The following KCNIP1 variants were observed in gnomAD, a reference collection of about 807,000 sequenced individuals.
The protein encoded by KCNIP1 is potassium voltage-gated channel interacting protein 1.
A neutral mutation model predicts 33.0 loss-of-function variants in KCNIP1; 18 were observed. The ratio of observed to expected loss-of-function variants is 0.55; its 90% CI spans 0.38 to 0.81. The LOEUF (loss-of-function observed/expected upper bound fraction) is 0.81. Ranked by LOEUF, KCNIP1 falls within the 30% of genes least tolerant of loss-of-function variation. The probability of loss-of-function intolerance (pLI) is 0.00; values close to 1 mark genes in which losing one functional copy is unlikely to be tolerated. For missense variants in KCNIP1, 238 were observed against 271.6 expected, an observed-to-expected ratio of 0.88 and a Z score of 0.87; for synonymous variants, 93 against 98.3, an observed-to-expected ratio of 0.95 and a Z score of 0.32.
rs577860113 is a variant in KCNIP1 at position 170,592,777 on chromosome 5, G to A, written c.61+88144G>A. 5.9e-5 allele frequency among the ~76,000 whole-genome samples: 9 copies of A among 152,288 alleles called. No homozygotes were observed. In the South Asian group the frequency reaches 1.9e-3, roughly 32 times the overall value. On this transcript the variant is annotated intron_variant, in intron 1 of 7. Coordinates refer to ENST00000328939, the MANE Select transcript of KCNIP1 (RefSeq NM_014592.4). ...AGAGAAAATAAATTCTCAGTGGATT[G>A]TTTAGAAGATTTGAGCAAAGACCTC...
At chr5:170,563,634 T>G (rs1014222266) in intron 1 of KCNIP1, among the ~76,000 whole-genome samples, 3 of 79,306 alleles carry the variant, frequency 3.8e-5, no homozygotes, top group Admixed American at 1.1e-4. Flanking sequence ...GGTGTTTTGT[T>G]TTTTTTTTTG....
intron 1 of KCNIP1, among the ~76,000 whole-genome samples, chr5:170,704,451 C>A (rs1437196694): frequency 1.3e-5 from 2 of 148,870 alleles, no homozygotes; most frequent in African/African-American, 5.1e-5. Flanking sequence ...TTATGCATAC[C>A]TCACAGGGGT....
chr5:170,492,564 G>A (rs1468363783), intron 1 of KCNIP1, among the ~76,000 whole-genome samples: 1 of 152,126 alleles, frequency 6.6e-6, no homozygotes, highest in Non-Finnish European at 1.5e-5. Flanking sequence ...GTTGGGGATG[G>A]GGCTGAAAGT....
chr5:170,623,200 C>T (rs28655186), intron 1 of KCNIP1, among the ~76,000 whole-genome samples: 1 of 147,910 alleles, frequency 6.8e-6, no homozygotes, highest in South Asian at 2.2e-4. Context: ...AGGGGATTGG[C>T]GACCCCTGTC....
chr5:170,450,118 C>A (rs550931469), intron 1 of KCNIP1, among the ~76,000 whole-genome samples: 16 of 148,538 alleles, frequency 1.1e-4, no homozygotes, highest in African/African-American at 1.5e-4. Context: ...CCCGACCCCC[C>A]ACCCCACCCT....
At chr5:170,708,922 A>C (rs1763353448) in intron 1 of KCNIP1, among the ~76,000 whole-genome samples, 1 of 152,160 alleles carries the variant, frequency 6.6e-6, no homozygotes, top group Non-Finnish European at 1.5e-5. Flanking sequence ...AAGAAATTGA[A>C]CTATATTGCT....
intron 1 of KCNIP1, among the ~76,000 whole-genome samples, chr5:170,533,661 G>T (rs1755863597): frequency 6.6e-6 from 1 of 152,174 alleles, no homozygotes. Context: ...CTTCAAAAGG[G>T]ATCTAATAAA....
intron 1 of KCNIP1, chr5:170,681,334 C>G: frequency 2.6e-6 from 1 of 384,682 alleles, no homozygotes; most frequent in Non-Finnish European, 4.6e-6. Context: ...CCCCGCCTCC[C>G]CAGTCGCGCC....
chr5:170,589,317 T>A (rs1244429529), intron 1 of KCNIP1, among the ~76,000 whole-genome samples: 2 of 152,188 alleles, frequency 1.3e-5, no homozygotes, highest in East Asian at 3.9e-4. Flanking sequence ...CATACTTTCA[T>A]GTTAGCATTA....
At position 170,690,161 on chromosome 5, in the gene KCNIP1, C is replaced by T. The variant is rs117045190; in HGVS notation, c.62-28597C>T. Among the ~76,000 whole-genome samples the T allele has an allele frequency of 2.4e-4, 36 of 152,262 alleles. 1 individual carries two copies. The East Asian group carries it at 6.4e-3, about 27-fold the overall frequency. On this transcript the variant is annotated intron_variant, in intron 1 of 7. Coordinates refer to ENST00000328939, the MANE Select transcript of KCNIP1 (RefSeq NM_014592.4). ...GAATGAACAAATCACTGATGAATGA[C>T]GGCCCTAAGCAGGGATTTTTCTCCA...
At chr5:170,355,978 C>T (rs1581102759) in intron 1 of KCNIP1, among the ~76,000 whole-genome samples, 2 of 152,334 alleles carry the variant, frequency 1.3e-5, no homozygotes, top group East Asian at 1.9e-4. Flanking sequence ...CCCGGCTCTG[C>T]GCCAGGCACG....
chr5:170,550,940 C>A (rs116671370), intron 1 of KCNIP1, among the ~76,000 whole-genome samples: 1 of 152,154 alleles, frequency 6.6e-6, no homozygotes, highest in Non-Finnish European at 1.5e-5. Context: ...CCTTTAATTT[C>A]TTTGGAACAG....
At chr5:170,387,720 A>G (rs1176159539) in intron 1 of KCNIP1, among the ~76,000 whole-genome samples, 1 of 152,132 alleles carries the variant, frequency 6.6e-6, no homozygotes, top group Non-Finnish European at 1.5e-5. Flanking sequence ...GGAATGGGAG[A>G]GCCCATGCCT....
In KCNIP1 at chr5:170,460,345, A is replaced by G. The variant is rs139882405; in HGVS notation, c.88+106381A>G. 5.7e-3 allele frequency among the ~76,000 whole-genome samples: 864 copies of G among 152,292 alleles called. 6 individuals carry two copies. Among genetic ancestry groups the G allele is most frequent in the African/African-American group, 0.019 (784 of 41,572 alleles). ...CCTCCCTAAATCATCCTAGGAAGCC[A>G]GTGTCATCCTAATACCAAAACCAGG... On this transcript the variant is annotated intron_variant, in intron 1 of 7. Transcript: ENST00000377360.
chr5:170,402,889 T>C (rs966262724), intron 1 of KCNIP1, among the ~76,000 whole-genome samples: 21 of 152,324 alleles, frequency 1.4e-4, no homozygotes, highest in African/African-American at 5.1e-4. Flanking sequence ...GAAGAGAACT[T>C]TGAGGCTCAG....
rs149612826 is a variant in KCNIP1 at position 170,388,596 on chromosome 5, G to A, written c.88+34632G>A. Among the ~76,000 whole-genome samples, 990 of 152,322 alleles carry A rather than the reference G, an allele frequency of 6.5e-3. 13 individuals carry two copies. Among genetic ancestry groups the A allele is most frequent in the African/African-American group, 0.022 (935 of 41,580 alleles). ...ACAAAGGAAGGCAGGACTTTGGAGT[G>A]TCCTGGGTGACCTGATAGCTGGGTC... On this transcript the variant is annotated intron_variant, in intron 1 of 7. Coordinates refer to the KCNIP1 transcript ENST00000377360.
intron 1 of KCNIP1, among the ~76,000 whole-genome samples, chr5:170,700,160 T>C (rs558459496): frequency 6.6e-6 from 1 of 152,166 alleles, no homozygotes; most frequent in East Asian, 1.9e-4. Flanking sequence ...GGGCTCCTTG[T>C]AGAGGATGTT....
At chr5:170,554,555 AG>A (rs1343644995) in intron 1 of KCNIP1, among the ~76,000 whole-genome samples, 1 of 152,222 alleles carries the variant, frequency 6.6e-6, no homozygotes, top group Non-Finnish European at 1.5e-5. Flanking sequence ...ACGGAATCTC[AG>A]GCACCTGAAG....
At chr5:170,523,932 C>T (rs1167169958) in intron 1 of KCNIP1, among the ~76,000 whole-genome samples, 2 of 152,186 alleles carry the variant, frequency 1.3e-5, no homozygotes, top group Non-Finnish European at 2.9e-5. Context: ...TCCCTGTGCA[C>T]CATCCGAAGC....
Sources: allele counts gnomAD v4.1 joint callset (sites outside exome capture counted in the v4.1 genomes callset), GRCh38; gene constraint gnomAD v4.1.1; transcripts MANE v1.5; gene names NCBI Gene and HGNC (gene_info 2026-07-23, HGNC 2026-07-21).